DMXL1: variants seen among roughly 807,000 people sequenced by gnomAD.
DMXL1 encodes Dmx like 1.
In DMXL1, 99 loss-of-function variants were observed where a neutral mutation model predicts 319.2. That is an observed-to-expected ratio of 0.31 (90% confidence interval 0.26 to 0.37). The LOEUF (loss-of-function observed/expected upper bound fraction) is 0.37, where lower values mean the gene tolerates loss of function less well. Ranked by LOEUF, DMXL1 falls within the 10% of genes least tolerant of loss-of-function variation. The probability of loss-of-function intolerance (pLI) is 1.00; values close to 1 mark genes in which losing one functional copy is unlikely to be tolerated. For missense variants in DMXL1, 3,745 were observed against 3,595.6 expected, an observed-to-expected ratio of 1.04 and a Z score of -1.06; for synonymous variants, 1,385 against 1,235.2, an observed-to-expected ratio of 1.12 and a Z score of -2.54.
chr5:119,077,178 G>A (rs1351998322), intron 1 of DMXL1, among the ~76,000 whole-genome samples: 2 of 152,024 alleles, frequency 1.3e-5, no homozygotes, highest in Non-Finnish European at 2.9e-5. Context: ...ATTTTTTTGA[G>A]GCAGGATCTT....
At chr5:119,144,003 T>A in intron 14 of DMXL1, 73 bp downstream of exon 14, 1 of 930,828 alleles carries the variant, frequency 1.1e-6, no homozygotes, top group Non-Finnish European at 1.6e-6. Context: ...AATCTATATA[T>A]TAATGTAATT....
chr5:119,219,767 C>T (rs1167313260), intron 35 of DMXL1, among the ~76,000 whole-genome samples: 1 of 151,940 alleles, frequency 6.6e-6, no homozygotes, highest in Non-Finnish European at 1.5e-5. Context: ...AGTGTTTTGC[C>T]ATGTTGCCCA....
chr5:119,239,762 C>T (rs1170598036), intron 41 of DMXL1, among the ~76,000 whole-genome samples: 1 of 152,026 alleles, frequency 6.6e-6, no homozygotes, highest in Middle Eastern at 3.4e-3. Flanking sequence ...TTGAGTCCAG[C>T]CTGGGCAACA....
rs1339410625 is a variant in DMXL1 at position 119,129,226 on chromosome 5, C to T, written c.1118C>T (p.Pro373Leu). Residue 373 changes from proline to leucine, a missense_variant, in exon 10 of 44, where the codon CCA becomes CTA. Physicochemically the swap from Pro to Leu is moderately conservative, Grantham distance 98. Transcript: ENST00000539542. ...INPATDIPLL[P>L]SITSLSLNEN... ...TCTCTTATAGACATTCCACTTCTTC[C>T]ATCTATTACATCTCTGAGTCTAAAT... 1 of 1,605,342 alleles carries T rather than the reference C, an allele frequency of 6.2e-7. No homozygotes were observed. Among genetic ancestry groups the T allele is most frequent in the Non-Finnish European group, 8.5e-7 (1 of 1,175,688 alleles).
Position 119,197,831 on chromosome 5 carries a change from A to C in DMXL1, c.7620A>C (p.Arg2540=). 1 of 1,614,140 alleles carries C rather than the reference A, an allele frequency of 6.2e-7. No individual in the cohort carries two copies. The highest frequency in any genetic ancestry group is 8.5e-7 in the Non-Finnish European group (1 of 1,180,006). The change falls in exon 32 of 44, where the codon CGA becomes CGC. Residue 2540 remains arginine (R), a synonymous_variant. Coordinates refer to ENST00000539542, the MANE Select transcript of DMXL1 (RefSeq NM_001290321.3). ...LQCWEQVLLR[R]LEIHGGPPQN... ...GTTGGGAACAAGTTCTTCTCCGACG[A>C]CTTGAAATCCATGGTGGGCCACCTC...
At chr5:119,180,333 C>T (rs1353246167) in intron 28 of DMXL1, among the ~76,000 whole-genome samples, 1 of 152,134 alleles carries the variant, frequency 6.6e-6, no homozygotes, top group East Asian at 1.9e-4. Context: ...TTTAGCCAAT[C>T]TAGGGGCTAA....
intron 1 of DMXL1, among the ~76,000 whole-genome samples, chr5:119,097,444 G>A (rs538174986): frequency 1.3e-5 from 2 of 152,238 alleles, no homozygotes; most frequent in East Asian, 1.9e-4. Flanking sequence ...TGAGCCGGGC[G>A]CAGTGGCTCA....
chr5:119,216,258 C>T (rs1433844230), intron 34 of DMXL1, among the ~76,000 whole-genome samples: 1 of 152,006 alleles, frequency 6.6e-6, no homozygotes, highest in Non-Finnish European at 1.5e-5. Context: ...TACACTTTGT[C>T]TGGAGTAAGC....
chr5:119,203,497 A>G, intron 33 of DMXL1, 61 bp downstream of exon 33: 3 of 974,708 alleles, frequency 3.1e-6, no homozygotes, highest in Non-Finnish European at 4.4e-6. Flanking sequence ...ATTATCATGT[A>G]ACCATTAAAA....
At chr5:119,168,413 A>C (rs1471848090) in intron 23 of DMXL1, among the ~76,000 whole-genome samples, 2 of 152,230 alleles carry the variant, frequency 1.3e-5, no homozygotes, top group Non-Finnish European at 2.9e-5. Flanking sequence ...ATATAGATGC[A>C]TATAAAAATG....
intron 1 of DMXL1, among the ~76,000 whole-genome samples, chr5:119,082,042 C>T (rs1266719266): frequency 4.7e-5 from 7 of 148,184 alleles, no homozygotes; most frequent in Non-Finnish European, 7.4e-5. Context: ...CACACACACA[C>T]ACACACACAC....
intron 1 of DMXL1, among the ~76,000 whole-genome samples, chr5:119,094,623 A>G (rs570290495): frequency 1.6e-4 from 25 of 152,304 alleles, no homozygotes; most frequent in Admixed American, 1.4e-3. Flanking sequence ...TCATAAGGCT[A>G]TAGCTGCTAT....
chr5:119,155,338 T>C (rs926620391), intron 19 of DMXL1, among the ~76,000 whole-genome samples: 12 of 152,254 alleles, frequency 7.9e-5, no homozygotes, highest in South Asian at 4.1e-4. Flanking sequence ...CTAGATGCCA[T>C]TGGGGACATG....
chr5:119,237,700 C>T (rs1331784711), intron 40 of DMXL1, among the ~76,000 whole-genome samples: 1 of 151,998 alleles, frequency 6.6e-6, no homozygotes, highest in Non-Finnish European at 1.5e-5. Context: ...TCTAACCTCA[C>T]TAAACTGGTT....
intron 29 of DMXL1, among the ~76,000 whole-genome samples, chr5:119,191,051 A>C (rs565280678): frequency 4.1e-4 from 62 of 152,332 alleles, no homozygotes; most frequent in African/African-American, 1.5e-3. Context: ...TAGTTTATTT[A>C]AAAAAACTTT....
chr5:119,182,948 G>A (rs1777038786), intron 28 of DMXL1, among the ~76,000 whole-genome samples: 1 of 152,088 alleles, frequency 6.6e-6, no homozygotes, highest in African/African-American at 2.4e-5. Flanking sequence ...TATAAATAAA[G>A]CAGTGTTTTT....
rs746492327 is a variant in DMXL1, at chr5:119,133,490, C to T, written c.1570-4C>T. The T allele has an allele frequency of 1.9e-6, 3 of 1,599,508 alleles. No homozygotes were observed. Among genetic ancestry groups the T allele is most frequent in the Non-Finnish European group, 2.6e-6 (3 of 1,174,856 alleles). ...TGTTCTAACACTTGCTTTCTTGATT[C>T]TAGGTGTCCTTTGTTTCCAGAATTC... On this transcript the variant is annotated splice_region_variant and splice_polypyrimidine_tract_variant and intron_variant, in intron 11 of 43. Transcript: ENST00000539542.
intron 10 of DMXL1, among the ~76,000 whole-genome samples, chr5:119,130,452 C>T (rs1284528812): frequency 6.6e-6 from 1 of 152,058 alleles, no homozygotes; most frequent in Admixed American, 6.5e-5. Flanking sequence ...AAGCAATTCT[C>T]CTGCCTCAGC....
intron 1 of DMXL1, among the ~76,000 whole-genome samples, chr5:119,090,562 T>G (rs1454613719): frequency 2.0e-5 from 3 of 150,598 alleles, no homozygotes; most frequent in Admixed American, 6.6e-5. Flanking sequence ...CTCCTCTGTT[T>G]TTTTTTTTTT....
Sources: allele counts gnomAD v4.1 joint callset (sites outside exome capture counted in the v4.1 genomes callset), GRCh38; gene constraint gnomAD v4.1.1; transcripts MANE v1.5; gene names NCBI Gene and HGNC (gene_info 2026-07-23, HGNC 2026-07-21).